The following SP140L variants were observed in gnomAD, a reference collection of about 807,000 sequenced individuals.
The protein encoded by SP140L is SP140 like nuclear body protein, also known as nuclear body protein SP140-like protein.
A neutral mutation model predicts 84.3 loss-of-function variants in SP140L; 64 were observed. The ratio of observed to expected loss-of-function variants is 0.76; its 90% CI spans 0.62 to 0.94. The LOEUF is 0.94. SP140L is among the 40% of genes least tolerant of loss of function. The pLI is 0.00. For missense variants in SP140L, 628 were observed against 692.5 expected, an observed-to-expected ratio of 0.91 and a Z score of 1.05; for synonymous variants, 242 against 236.9, an observed-to-expected ratio of 1.02 and a Z score of -0.20.
chr2:230,386,037 G>T (rs941350489), intron 9 of SP140L, among the ~76,000 whole-genome samples: 1 of 152,108 alleles, frequency 6.6e-6, no homozygotes, highest in Non-Finnish European at 1.5e-5. Context: ...TTTCTTCCGT[G>T]AGATGCTTTC....
intron 8 of SP140L, among the ~76,000 whole-genome samples, chr2:230,384,891 G>T (rs1394179352): frequency 6.6e-6 from 1 of 152,136 alleles, no homozygotes; most frequent in Non-Finnish European, 1.5e-5. Context: ...CAGTCTGGGA[G>T]GCAGAGAAAC....
rs1391396284 is a variant in SP140L at position 230,388,520 on chromosome 2, C to T, written c.785-39C>T. 3 of 1,551,958 alleles carry T rather than the reference C, an allele frequency of 1.9e-6. No individual in the cohort carries two copies. In the African/African-American group the frequency reaches 4.1e-5, roughly 21 times the overall value. On this transcript the variant is annotated intron_variant, in intron 9 of 18. Transcript: ENST00000415673. ...AGCAGCAATATATGTAACACAGCTG[C>T]TCATTTGTAACTGTGATTTTATTAT...
chr2:230,361,744 AG>A (rs1165115719), intron 5 of SP140L, 47 bp downstream of exon 5: 4 of 1,434,996 alleles, frequency 2.8e-6, no homozygotes, highest in Non-Finnish European at 3.8e-6. Flanking sequence ...TAAGAGGAAA[AG>A]GAGACAAGGG....
chr2:230,361,513 T>C (rs1368487985), intron 4 of SP140L, 101 bp from the exon 5 acceptor site: 3 of 711,314 alleles, frequency 4.2e-6, no homozygotes, highest in African/African-American at 2.7e-5. Flanking sequence ...GTCTGACTTC[T>C]GAGTCAGCCT....
intron 15 of SP140L, chr2:230,400,463 C>T (rs1251179322): frequency 1.8e-6 from 1 of 553,168 alleles, no homozygotes; most frequent in African/African-American, 1.9e-5. Context: ...ATGCTGAGGC[C>T]AGTGTTGGGG....
chr2:230,336,119 C>T (rs1465375200), intron 2 of SP140L, among the ~76,000 whole-genome samples: 1 of 152,040 alleles, frequency 6.6e-6, no homozygotes, highest in East Asian at 1.9e-4. Flanking sequence ...CCACTTTTTT[C>T]TTTACTAAAT....
rs768563458 is a variant in SP140L at position 230,388,579 on chromosome 2, G to A, written c.805G>A (p.Gly269Arg). 6.7e-5 allele frequency: 108 copies of A among 1,608,606 alleles called. No homozygotes were observed. In the South Asian group the frequency reaches 1.1e-3, roughly 17 times the overall value. Residue 269 changes from glycine to arginine, a missense_variant, in exon 10 of 19, where the codon GGA (glycine) becomes AGA (arginine). Gly to Arg is a moderately radical substitution (Grantham distance 125). Coordinates refer to ENST00000415673, the MANE Select transcript of SP140L (RefSeq NM_138402.6). ...CTCAGGGAGAAAGAGAGGCAAACCTGGAACCCACTTTACTCAGAGTGACAG... is the reference window on the plus strand; with the variant it reads ...CTCAGGGAGAAAGAGAGGCAAACCTAGAACCCACTTTACTCAGAGTGACAG... ...KIRGRKRGKP[G>R]THFTQSDRAP...
intron 2 of SP140L, among the ~76,000 whole-genome samples, chr2:230,354,353 T>G (rs1020196858): frequency 3.3e-5 from 5 of 152,212 alleles, no homozygotes; most frequent in African/African-American, 1.2e-4. Context: ...ATTCCCAGCA[T>G]ATTAGGAATA....
chr2:230,346,499 G>A (rs2060213043), intron 2 of SP140L, among the ~76,000 whole-genome samples: 1 of 151,926 alleles, frequency 6.6e-6, no homozygotes, highest in African/African-American at 2.4e-5. Flanking sequence ...CTCTTCTTCT[G>A]TAATTTCCAT....
chr2:230,368,036 T>C (rs1488279498), intron 5 of SP140L, among the ~76,000 whole-genome samples: 2 of 152,280 alleles, frequency 1.3e-5, no homozygotes, highest in African/African-American at 2.4e-5. Context: ...TAGCATATAC[T>C]GTATTTTGAC....
chr2:230,380,265 GC>G (rs371151108), intron 7 of SP140L, among the ~76,000 whole-genome samples: 4 of 152,074 alleles, frequency 2.6e-5, no homozygotes, highest in Non-Finnish European at 5.9e-5. Context: ...AGGGGAAACT[GC>G]CCCCCGATTC....
chr2:230,399,618 C>A (rs1378776657), intron 14 of SP140L, among the ~76,000 whole-genome samples: 3 of 152,192 alleles, frequency 2.0e-5, no homozygotes, highest in Non-Finnish European at 4.4e-5. Context: ...GCCCTCTAGG[C>A]ACAAAACCTA....
rs375555256 is a variant in SP140L, at chr2:230,366,748, T to A, written c.524-4160T>A. 7.0e-4 allele frequency among the ~76,000 whole-genome samples: 77 copies of A among 109,758 alleles called. No homozygotes were observed. The South Asian group carries it at 8.5e-3, about 12-fold the overall frequency. The allele number at this position is 109,758 out of a possible 152,430, so 72.0% of individuals were successfully genotyped here. A position where few individuals can be genotyped will look rare whatever the true frequency, so the allele number is the denominator to read the frequency against. On this transcript the variant is annotated intron_variant, in intron 5 of 18. Transcript: ENST00000415673. ...TATTATTATTATTATTATTATTATT[T>A]TTGGAGACAGAGTCTCACTCTGTCA...
chr2:230,334,007 T>C (rs2059798036), intron 2 of SP140L, among the ~76,000 whole-genome samples: 1 of 152,252 alleles, frequency 6.6e-6, no homozygotes, highest in African/African-American at 2.4e-5. Flanking sequence ...TCCAGGTTTC[T>C]TTCGCAGCTC....
chr2:230,336,468 C>T (rs535093468), intron 2 of SP140L, among the ~76,000 whole-genome samples: 1 of 152,300 alleles, frequency 6.6e-6, no homozygotes, highest in South Asian at 2.1e-4. Context: ...AACTGCCTAC[C>T]ACCTGTTTCA....
chr2:230,340,838 G>A (rs2060018608), intron 2 of SP140L, among the ~76,000 whole-genome samples: 3 of 145,350 alleles, frequency 2.1e-5, no homozygotes, highest in African/African-American at 7.7e-5. Context: ...CTTCTGGCTT[G>A]TAGGGTTTCT....
chr2:230,363,925 T>C (rs1287272226), intron 5 of SP140L, among the ~76,000 whole-genome samples: 1 of 152,202 alleles, frequency 6.6e-6, no homozygotes, highest in African/African-American at 2.4e-5. Flanking sequence ...TTAAAGAGAC[T>C]GTCCTTTCCC....
intron 10 of SP140L, among the ~76,000 whole-genome samples, chr2:230,389,434 G>A (rs2061712911): frequency 6.6e-6 from 1 of 152,120 alleles, no homozygotes; most frequent in South Asian, 2.1e-4. Context: ...GAGCAAAGCA[G>A]AGAATAAAAG....
At chr2:230,384,785 G>A (rs577575424) in intron 8 of SP140L, among the ~76,000 whole-genome samples, 6 of 152,140 alleles carry the variant, frequency 3.9e-5, no homozygotes, top group Middle Eastern at 3.4e-3. Flanking sequence ...GGTGGCGGGC[G>A]CCTATAATCC....
Sources: allele counts gnomAD v4.1 joint callset (sites outside exome capture counted in the v4.1 genomes callset), GRCh38; gene constraint gnomAD v4.1.1; transcripts MANE v1.5; gene names NCBI Gene and HGNC (gene_info 2026-07-23, HGNC 2026-07-21).